Variants in CLPSL1 observed in about 807,000 individuals in gnomAD.
CLPSL1 encodes the protein colipase like 1, also known as colipase-like protein 1.
CLPSL1 carries 13 observed loss-of-function variants against 9.3 expected under a neutral mutation model. The observed-to-expected ratio is 1.40, with a 90% CI of 0.91 to 2.22. The LOEUF (loss-of-function observed/expected upper bound fraction) is 2.22, where lower values mean the gene tolerates loss of function less well. Ranked by LOEUF, CLPSL1 falls within the 30% of genes most tolerant of loss-of-function variation. The pLI is 0.00. For synonymous variants in CLPSL1, 58 were observed against 56.9 expected, an observed-to-expected ratio of 1.02 and a Z score of -0.08; for missense variants, 164 against 146.6, an observed-to-expected ratio of 1.12 and a Z score of -0.61.
downstream of CLPSL1, among the ~76,000 whole-genome samples, chr6:35,789,269 A>G (rs2151062694): frequency 6.6e-6 from 1 of 152,408 alleles, no homozygotes; most frequent in African/African-American, 2.4e-5. Context: ...GGGAGAATAC[A>G]GAGCCCAGAA....
downstream of CLPSL1, among the ~76,000 whole-genome samples, chr6:35,789,418 A>G (rs1024211575): frequency 5.9e-5 from 9 of 152,402 alleles, no homozygotes; most frequent in African/African-American, 1.9e-4. Flanking sequence ...GGACCCTTAT[A>G]GCACACACAA....
At chr6:35,782,428 C>T (rs1438006840) in intron 1 of CLPSL1, among the ~76,000 whole-genome samples, 3 of 152,160 alleles carry the variant, frequency 2.0e-5, no homozygotes, top group South Asian at 2.1e-4. Context: ...GATCCATGTC[C>T]CAGAGCTGAG....
At chr6:35,783,756 C>T (rs1448646879) in intron 1 of CLPSL1, among the ~76,000 whole-genome samples, 4 of 147,530 alleles carry the variant, frequency 2.7e-5, no homozygotes, top group African/African-American at 1.0e-4. Context: ...TGCAGTGAGC[C>T]GAGATCGCAC....
intron 2 of CLPSL1, among the ~76,000 whole-genome samples, chr6:35,787,356 T>A (rs540225565): frequency 6.6e-6 from 1 of 152,400 alleles, no homozygotes; most frequent in African/African-American, 2.4e-5. Context: ...GATGTTTCAC[T>A]TTCTAATGTG....
At position 35,788,133 on chromosome 6, in the gene CLPSL1, T is replaced by C; in HGVS notation, c.*123T>C. 1.6e-6 allele frequency: 1 copy of C among 641,136 alleles called. No individual in the cohort carries two copies. Among genetic ancestry groups the C allele is most frequent in the Non-Finnish European group, 2.6e-6 (1 of 379,874 alleles). The allele number at this position is 641,136 out of a possible 1,614,324, so 39.7% of individuals were successfully genotyped here. A position where few individuals can be genotyped will look rare whatever the true frequency, so the allele number is the denominator to read the frequency against. ...GGAGGGAAGTGGGGAGTGATTGAAATAAAGAGCTTTTTCAATGTTTGCTGC... is the reference window on the plus strand; with the variant it reads ...GGAGGGAAGTGGGGAGTGATTGAAACAAAGAGCTTTTTCAATGTTTGCTGC... On this transcript the variant is annotated 3_prime_UTR_variant, in exon 3 of 3. Coordinates refer to ENST00000373861, the MANE Select transcript of CLPSL1 (RefSeq NM_001010886.5).
At chr6:35,785,279 G>A (rs1025774392) in intron 1 of CLPSL1, among the ~76,000 whole-genome samples, 14 of 148,686 alleles carry the variant, frequency 9.4e-5, no homozygotes, top group Non-Finnish European at 4.4e-5. Flanking sequence ...CCGGGTTCAC[G>A]CCATTCTCCT....
chr6:35,786,848 C>A, intron 1 of CLPSL1, 150 bp from the exon 2 acceptor site: 1 of 1,014,758 alleles, frequency 9.9e-7, no homozygotes, highest in Non-Finnish European at 1.4e-6. Flanking sequence ...ACCCCGGCCC[C>A]CACGTAGAGA....
chr6:35,790,954 G>A (rs142842291), downstream of CLPSL1, among the ~76,000 whole-genome samples: 116 of 152,234 alleles, frequency 7.6e-4, no homozygotes, highest in African/African-American at 2.6e-3. Context: ...TGAGGCAGGA[G>A]GATCACTTGA....
Position 35,782,651 on chromosome 6 carries a change from G to T in CLPSL1, c.99+1442G>T, listed in dbSNP as rs1159101877. On this transcript the variant is annotated intron_variant, in intron 1 of 2. Coordinates refer to ENST00000373861, the MANE Select transcript of CLPSL1 (RefSeq NM_001010886.5). ...AGGGCCAGCAAGCGCAAATGCCCTGGGGCCAGGCCAGGTGTGGATTCAGAG... is the reference window on the plus strand; with the variant it reads ...AGGGCCAGCAAGCGCAAATGCCCTGTGGCCAGGCCAGGTGTGGATTCAGAG... Among the ~76,000 whole-genome samples the T allele has an allele frequency of 3.3e-5, 5 of 152,206 alleles. No individual in the cohort carries two copies. The East Asian group carries it at 9.6e-4, about 29-fold the overall frequency.
downstream of CLPSL1, among the ~76,000 whole-genome samples, chr6:35,791,083 A>G (rs1397643107): frequency 6.6e-6 from 1 of 151,980 alleles, no homozygotes; most frequent in African/African-American, 2.4e-5. Context: ...AAAAAGGCCC[A>G]TTTTCAAATG....
chr6:35,786,959 G>GGGCGGTGGAGCCT (rs1301559537), intron 1 of CLPSL1, 39 bp from the exon 2 acceptor site: 23 of 1,551,568 alleles, frequency 1.5e-5, no homozygotes, highest in Non-Finnish European at 1.7e-5. Context: ...GGCGGAAGGC[G>GGGCGGTGGAGCCT]GGCGGTGGAG....
intron 1 of CLPSL1, among the ~76,000 whole-genome samples, chr6:35,785,846 A>G (rs1768060226): frequency 6.7e-6 from 1 of 148,852 alleles, no homozygotes; most frequent in Non-Finnish European, 1.5e-5. Flanking sequence ...GCTACACGGG[A>G]GGCTGAGCCA....
At chr6:35,786,205 T>A (rs1768070357) in intron 1 of CLPSL1, among the ~76,000 whole-genome samples, 1 of 151,940 alleles carries the variant, frequency 6.6e-6, no homozygotes, top group Admixed American at 6.6e-5. Context: ...TGAGCCGAAA[T>A]CACGCCACTG....
chr6:35,785,782 T>C (rs9470095), intron 1 of CLPSL1, among the ~76,000 whole-genome samples: 1 of 151,368 alleles, frequency 6.6e-6, no homozygotes, highest in African/African-American at 2.4e-5. Flanking sequence ...CTGTAACATC[T>C]CTACAAAAAA....
chr6:35,786,551 C>A (rs1768076219), intron 1 of CLPSL1, among the ~76,000 whole-genome samples: 1 of 152,082 alleles, frequency 6.6e-6, no homozygotes, highest in African/African-American at 2.4e-5. Context: ...TGGCTGTGAT[C>A]AATAATGTTA....
intron 1 of CLPSL1, among the ~76,000 whole-genome samples, chr6:35,784,494 A>T (rs1259896331): frequency 6.6e-6 from 1 of 152,202 alleles, no homozygotes; most frequent in Non-Finnish European, 1.5e-5. Context: ...CCAAGGAAGG[A>T]GTCGACTGAG....
intron 2 of CLPSL1, 53 bp from the exon 3 acceptor site, chr6:35,787,814 G>A: frequency 6.4e-7 from 1 of 1,562,768 alleles, no homozygotes; most frequent in Non-Finnish European, 8.8e-7. Flanking sequence ...TGGGCTTAGG[G>A]GCTCAGGGAA....
intron 1 of CLPSL1, among the ~76,000 whole-genome samples, chr6:35,783,998 G>A (rs1402640107): frequency 6.6e-6 from 1 of 152,082 alleles, no homozygotes; most frequent in Non-Finnish European, 1.5e-5. Flanking sequence ...ATTTTGCCAA[G>A]GTTAGGGACA....
chr6:35,788,440 G>A (rs1215496754), downstream of CLPSL1, among the ~76,000 whole-genome samples: 1 of 152,238 alleles, frequency 6.6e-6, no homozygotes, highest in African/African-American at 2.4e-5. Flanking sequence ...TGTGAAAGAA[G>A]GTACACAAAA....
Sources: allele counts gnomAD v4.1 joint callset (sites outside exome capture counted in the v4.1 genomes callset), GRCh38; gene constraint gnomAD v4.1.1; transcripts MANE v1.5; gene names NCBI Gene and HGNC (gene_info 2026-07-23, HGNC 2026-07-21).